PIBF1: variants seen among roughly 807,000 people sequenced by gnomAD.
PIBF1 encodes progesterone-induced-blocking factor 1.
Under a neutral mutation model 112.5 loss-of-function variants are expected in PIBF1, and 90 were observed. That is an observed-to-expected ratio of 0.80 (90% confidence interval 0.67 to 0.95). The LOEUF is 0.95. PIBF1 is among the 40% of genes least tolerant of loss of function. The pLI is 0.00. For missense variants in PIBF1, 915 were observed against 852.3 expected, an observed-to-expected ratio of 1.07 and a Z score of -0.92; for synonymous variants, 301 against 288.6, an observed-to-expected ratio of 1.04 and a Z score of -0.44.
chr13:72,912,478 C>A (rs1255895979), intron 12 of PIBF1, among the ~76,000 whole-genome samples: 1 of 152,084 alleles, frequency 6.6e-6, no homozygotes, highest in East Asian at 1.9e-4. Context: ...AGTGAGATAC[C>A]ACTGTATACC....
intron 10 of PIBF1, among the ~76,000 whole-genome samples, chr13:72,887,327 G>A (rs186372864): frequency 2.0e-5 from 3 of 151,936 alleles, no homozygotes; most frequent in African/African-American, 7.2e-5. Context: ...TGTAAGTTAT[G>A]ATATGGATAT....
chr13:72,886,881 C>T (rs1227232965), intron 10 of PIBF1, among the ~76,000 whole-genome samples: 1 of 152,040 alleles, frequency 6.6e-6, no homozygotes, highest in Non-Finnish European at 1.5e-5. Flanking sequence ...GAGAAATACC[C>T]AAACTTCTTT....
chr13:72,999,138 A>G (rs2043777809), intron 17 of PIBF1, 143 bp downstream of exon 17: 2 of 570,192 alleles, frequency 3.5e-6, no homozygotes, highest in Non-Finnish European at 6.2e-6. Context: ...GATTTGCATT[A>G]ATCCATTTTC....
At chr13:72,958,702 T>C (rs943660374) in intron 14 of PIBF1, among the ~76,000 whole-genome samples, 3 of 152,176 alleles carry the variant, frequency 2.0e-5, no homozygotes, top group African/African-American at 7.2e-5. Context: ...AATATTTTAA[T>C]TGGTTGAAAT....
rs963040015 is a variant in PIBF1 at position 72,917,987 on chromosome 13, G to A, written c.1730+821G>A. Among the ~76,000 whole-genome samples the A allele has an allele frequency of 2.6e-5, 4 of 152,288 alleles. No individual in the cohort carries two copies. The East Asian group carries it at 5.8e-4, about 22-fold the overall frequency. Reference sequence around the variant, plus strand: ...AATGTACACTGGAACCATGCATCCCGTGGATACCAACAGACAACTGTATGC... The same window carrying A: ...AATGTACACTGGAACCATGCATCCCATGGATACCAACAGACAACTGTATGC... On this transcript the variant is annotated intron_variant, in intron 13 of 17. Coordinates refer to ENST00000326291, the MANE Select transcript of PIBF1 (RefSeq NM_006346.4).
At position 72,792,476 on chromosome 13, in the gene PIBF1, T is replaced by C. The variant is rs766675519; in HGVS notation, c.282T>C (p.Asp94=). The C allele has an allele frequency of 1.9e-6, 3 of 1,575,332 alleles. No homozygotes were observed. Among genetic ancestry groups the C allele is most frequent in the East Asian group, 2.3e-5 (1 of 42,890 alleles). The change falls in exon 3 of 18, where the codon GAT becomes GAC. Residue 94 remains aspartate (D), a synonymous_variant. Transcript: ENST00000326291. ...KIEELEEKLN[D]ALHQKQLLTL... is the part of the protein sequence containing the mutation. ...AAGAATTGGAGGAGAAACTTAATGA[T>C]GCACTTCACCAGAAGCAGCTACTAA...
chr13:72,961,274 C>A (rs888968456), intron 14 of PIBF1, among the ~76,000 whole-genome samples: 2 of 152,138 alleles, frequency 1.3e-5, no homozygotes, highest in African/African-American at 4.8e-5. Context: ...TTGATTCTTT[C>A]TGCCTCCCAC....
chr13:72,798,138 G>A, intron 5 of PIBF1, 112 bp downstream of exon 5: 1 of 1,065,346 alleles, frequency 9.4e-7, no homozygotes, highest in Admixed American at 2.7e-5. Flanking sequence ...GGGACTATGG[G>A]ATGGTGACTG....
At chr13:72,967,669 G>A (rs541779171) in intron 15 of PIBF1, among the ~76,000 whole-genome samples, 112 of 152,268 alleles carry the variant, frequency 7.4e-4, no homozygotes, top group African/African-American at 2.6e-3. Flanking sequence ...ATTAAAAGTA[G>A]CACTTTAATG....
At chr13:72,927,524 A>T (rs1333247819) in intron 13 of PIBF1, among the ~76,000 whole-genome samples, 1 of 151,734 alleles carries the variant, frequency 6.6e-6, no homozygotes, top group African/African-American at 2.4e-5. Context: ...TTAAAATAAA[A>T]AAAAGATGTG....
intron 16 of PIBF1, among the ~76,000 whole-genome samples, chr13:72,985,876 A>G (rs1373334928): frequency 1.3e-5 from 2 of 152,144 alleles, no homozygotes; most frequent in Non-Finnish European, 2.9e-5. Context: ...AGGGTCCAGC[A>G]CAGTGGGTCA....
chr13:72,943,862 C>G (rs2042077543), intron 14 of PIBF1, among the ~76,000 whole-genome samples: 1 of 152,164 alleles, frequency 6.6e-6, no homozygotes, highest in African/African-American at 2.4e-5. Flanking sequence ...GGCAAGTTAT[C>G]TTTTTGTAAG....
intron 5 of PIBF1, among the ~76,000 whole-genome samples, chr13:72,815,882 T>C (rs1429312341): frequency 6.6e-6 from 1 of 152,216 alleles, no homozygotes; most frequent in Non-Finnish European, 1.5e-5. Flanking sequence ...TCCATACTTT[T>C]CTTGCATTGA....
At chr13:72,827,626 A>T in intron 7 of PIBF1, 107 bp from the exon 8 acceptor site, 1 of 667,744 alleles carries the variant, frequency 1.5e-6, no homozygotes, top group Non-Finnish European at 2.3e-6. Flanking sequence ...TTAAAAGGAA[A>T]ATTTTCATGT....
intron 12 of PIBF1, among the ~76,000 whole-genome samples, chr13:72,916,755 T>C (rs2041112832): frequency 6.6e-6 from 1 of 152,140 alleles, no homozygotes; most frequent in South Asian, 2.1e-4. Context: ...TTATTTGTTA[T>C]ATTACATAGC....
chr13:72,903,275 T>A (rs1390734165), intron 11 of PIBF1, among the ~76,000 whole-genome samples: 1 of 152,136 alleles, frequency 6.6e-6, no homozygotes, highest in African/African-American at 2.4e-5. Context: ...TCTCCCCCCC[T>A]AGACTAAGAC....
At chr13:72,890,378 T>TC (rs1323064957) in intron 10 of PIBF1, among the ~76,000 whole-genome samples, 13 of 152,124 alleles carry the variant, frequency 8.5e-5, no homozygotes, top group Admixed American at 6.6e-4. Flanking sequence ...TAACATTTTT[T>TC]CTCCCTGTAC....
chr13:72,956,355 G>A (rs549613801), intron 14 of PIBF1, among the ~76,000 whole-genome samples: 17 of 152,076 alleles, frequency 1.1e-4, no homozygotes, highest in African/African-American at 3.4e-4. Flanking sequence ...GTATGTGTGT[G>A]TGTGACCAAA....
In PIBF1 at chr13:73,003,546, G is replaced by A. The variant is rs1273901441; in HGVS notation, c.2223+4551G>A. 3.9e-5 allele frequency among the ~76,000 whole-genome samples: 6 copies of A among 152,010 alleles called. No homozygotes were observed. In the South Asian group the frequency reaches 6.2e-4, roughly 16 times the overall value. ...GCTGGGATTACAGGTGTGAGCCACC[G>A]CACCTGGCCTGGAAGGAAAATTAGT... On this transcript the variant is annotated intron_variant, in intron 17 of 17. Coordinates refer to ENST00000326291, the MANE Select transcript of PIBF1 (RefSeq NM_006346.4).
Sources: gnomAD v4.1 joint callset for allele counts (sites outside exome capture counted in the v4.1 genomes callset) on GRCh38, gnomAD v4.1.1 for gene constraint, MANE v1.5 for transcripts, NCBI Gene and HGNC (gene_info 2026-07-23, HGNC 2026-07-21) for gene names.